DGKD: variants seen among roughly 807,000 people sequenced by gnomAD.
The protein encoded by DGKD is DAG kinase delta.
Under a neutral mutation model 154.4 loss-of-function variants are expected in DGKD, and 68 were observed. The observed-to-expected ratio is 0.44, with a 90% CI of 0.36 to 0.54. The LOEUF (loss-of-function observed/expected upper bound fraction) is 0.54, where lower values mean the gene tolerates loss of function less well. Among genes scored for constraint, DGKD ranks in the 20% least tolerant of loss-of-function variants. DGKD has a pLI of 0.00. For synonymous variants in DGKD, 693 were observed against 638.0 expected (o/e 1.09, Z -1.30); for missense variants, 1,343 against 1,593.6 (o/e 0.84, Z 2.68).
At chr2:233,464,049 G>A in intron 26 of DGKD, 115 bp from the exon 27 acceptor site, 1 of 1,415,608 alleles carries the variant, frequency 7.1e-7, no homozygotes, top group Non-Finnish European at 9.5e-7. Flanking sequence ...TCTGGAAAGT[G>A]AGCTCCCTGA....
intron 3 of DGKD, among the ~76,000 whole-genome samples, chr2:233,418,438 A>C (rs2125536927): frequency 6.6e-6 from 1 of 152,370 alleles, no homozygotes; most frequent in Middle Eastern, 3.4e-3. Context: ...GTACTGTTGA[A>C]ATAGTGAATA....
Position 233,467,369 on chromosome 2 carries a change from C to T in DGKD, c.3424+166C>T, listed in dbSNP as rs558778975. 2.6e-5 allele frequency among the ~76,000 whole-genome samples: 4 copies of T among 152,328 alleles called. No individual in the cohort carries two copies. The East Asian group carries it at 7.7e-4, about 29-fold the overall frequency. ...CACTTGTCTGTTGGTAGCTGCAGCC[C>T]TCCACCCTGCCTGCTTCCCCTCTGA... On this transcript the variant is annotated intron_variant, in intron 28 of 29. Transcript: ENST00000264057.
chr2:233,370,570 C>CTTTTTTTTTTTTTTTTTTTTTTT (rs56301429), intron 1 of DGKD, among the ~76,000 whole-genome samples: 2 of 123,346 alleles, frequency 1.6e-5, no homozygotes, highest in Non-Finnish European at 3.4e-5. Flanking sequence ...AGAACTTCTT[C>CTTTTTTTTTTTTTTTTTTTTTTT]TTTTTTTTTT....
intron 3 of DGKD, chr2:233,392,469 G>C (rs1210367097): frequency 6.6e-6 from 1 of 152,204 alleles, no homozygotes; most frequent in African/African-American, 2.4e-5. Context: ...TGTTTTGGGT[G>C]AGAATGTAGC....
chr2:233,463,154 C>T (rs1340233187), intron 26 of DGKD, among the ~76,000 whole-genome samples: 2 of 152,244 alleles, frequency 1.3e-5, no homozygotes, highest in East Asian at 3.9e-4. Flanking sequence ...GACTGACTGG[C>T]CAGCCTTCTG....
intron 3 of DGKD, among the ~76,000 whole-genome samples, chr2:233,416,011 T>C (rs942323265): frequency 6.6e-6 from 1 of 152,216 alleles, no homozygotes; most frequent in African/African-American, 2.4e-5. Flanking sequence ...AAAGAATCTC[T>C]CAGTCCTACC....
chr2:233,461,305 A>G (rs1306392645), intron 24 of DGKD, among the ~76,000 whole-genome samples: 1 of 152,166 alleles, frequency 6.6e-6, no homozygotes, highest in African/African-American at 2.4e-5. Context: ...CTGGCTGTGG[A>G]CAGGTGCACC....
chr2:233,418,358 C>G (rs530362216), intron 3 of DGKD, among the ~76,000 whole-genome samples: 2 of 152,110 alleles, frequency 1.3e-5, no homozygotes, highest in African/African-American at 4.8e-5. Context: ...TGCCAGAGGC[C>G]CCCCCGCCAA....
At chr2:233,446,631 G>T in intron 11 of DGKD, 81 bp from the exon 12 acceptor site, 1 of 1,428,750 alleles carries the variant, frequency 7.0e-7, no homozygotes, top group Non-Finnish European at 9.6e-7. Context: ...AAGGCTGCCA[G>T]CCGTGAAAGC....
In DGKD at chr2:233,446,751, G is replaced by C. The variant is rs2063086050; in HGVS notation, c.1374G>C (p.Gln458His). Residue 458 changes from glutamine (Q) to histidine (H), a missense_variant, in exon 12 of 30, where the codon CAG becomes CAC. Coordinates refer to ENST00000264057, the MANE Select transcript of DGKD (RefSeq NM_152879.3). ...CATACGAGGCCAAGCTCCCCCGGCA[G>C]GCCTCCTCCTCTACCGTCACCGAAG... ...VMAYEAKLPR[Q>H]ASSSTVTEDF... is the part of the protein sequence containing the mutation. 6.2e-7 allele frequency: 1 copy of C among 1,614,080 alleles called. No homozygotes were observed. Among genetic ancestry groups the C allele is most frequent in the Admixed American group, 1.7e-5 (1 of 60,006 alleles).
intron 1 of DGKD, among the ~76,000 whole-genome samples, chr2:233,381,273 A>G (rs1285192290): frequency 2.6e-5 from 4 of 152,250 alleles, no homozygotes; most frequent in African/African-American, 9.6e-5. Context: ...ATCAGCTTAT[A>G]GGTAGACAGG....
At chr2:233,433,837 T>A (rs2062607668) in intron 3 of DGKD, among the ~76,000 whole-genome samples, 1 of 152,266 alleles carries the variant, frequency 6.6e-6, no homozygotes, top group Non-Finnish European at 1.5e-5. Context: ...ATTATGGATA[T>A]CATTTTCATT....
intron 3 of DGKD, among the ~76,000 whole-genome samples, chr2:233,415,764 C>T (rs2061944905): frequency 6.6e-6 from 1 of 152,132 alleles, no homozygotes; most frequent in African/African-American, 2.4e-5. Flanking sequence ...GCTGGGACCA[C>T]AGGCAGGCAC....
At chr2:233,451,108 C>G in intron 17 of DGKD, 58 bp downstream of exon 17, 1 of 1,415,068 alleles carries the variant, frequency 7.1e-7, no homozygotes, top group Non-Finnish European at 9.5e-7. Context: ...CTGGTCCCGT[C>G]AAACTGAAAG....
At chr2:233,413,084 C>T (rs1317961648) in intron 3 of DGKD, among the ~76,000 whole-genome samples, 1 of 152,004 alleles carries the variant, frequency 6.6e-6, no homozygotes, top group Non-Finnish European at 1.5e-5. Flanking sequence ...CTGCCTTTGT[C>T]AGGTTTTGGT....
At chr2:233,380,730 C>G (rs1486186080) in intron 1 of DGKD, among the ~76,000 whole-genome samples, 4 of 152,128 alleles carry the variant, frequency 2.6e-5, no homozygotes, top group Non-Finnish European at 5.9e-5. Flanking sequence ...AGAGAAGCGT[C>G]CTGGCTTTAG....
chr2:233,460,029 T>G, intron 23 of DGKD, 138 bp downstream of exon 23: 1 of 1,448,456 alleles, frequency 6.9e-7, no homozygotes, highest in Non-Finnish European at 9.1e-7. Flanking sequence ...ATTAAGCTAA[T>G]AGGGCAGTAA....
intron 10 of DGKD, among the ~76,000 whole-genome samples, chr2:233,442,761 A>G (rs1349970512): frequency 6.6e-6 from 1 of 152,036 alleles, no homozygotes; most frequent in Admixed American, 6.5e-5. Context: ...GCACGCTACC[A>G]CGCCCAGCTA....
chr2:233,377,856 G>A (rs1400087129), intron 1 of DGKD, among the ~76,000 whole-genome samples: 1 of 152,166 alleles, frequency 6.6e-6, no homozygotes, highest in Non-Finnish European at 1.5e-5. Context: ...TGTCACCCAA[G>A]TTGGAGTACA....
Sources: allele counts gnomAD v4.1 joint callset (sites outside exome capture counted in the v4.1 genomes callset), GRCh38; gene constraint gnomAD v4.1.1; transcripts MANE v1.5; gene names NCBI Gene and HGNC (gene_info 2026-07-23, HGNC 2026-07-21).